PPFIA2: variants seen among roughly 807,000 people sequenced by gnomAD.
PPFIA2 encodes PPFI scaffold protein A2, also known as liprin-alpha-2.
Under a neutral mutation model 175.5 loss-of-function variants are expected in PPFIA2, and 46 were observed. The observed-to-expected ratio is 0.26, with a 90% CI of 0.21 to 0.34. PPFIA2 has a LOEUF of 0.34. PPFIA2 is among the 10% of genes least tolerant of loss of function. PPFIA2 has a pLI of 1.00. For missense variants in PPFIA2, 1,179 were observed against 1,506.1 expected (o/e 0.78, Z 3.60); for synonymous variants, 568 against 511.4 (o/e 1.11, Z -1.49).
intron 3 of PPFIA2, among the ~76,000 whole-genome samples, chr12:81,693,343 T>C (rs1379293483): frequency 1.3e-5 from 2 of 152,068 alleles, no homozygotes; most frequent in Admixed American, 6.6e-5. Flanking sequence ...TTGGTAATAG[T>C]GAGTTCTCAT....
At chr12:81,552,574 C>T (rs1166380845) in intron 4 of PPFIA2, among the ~76,000 whole-genome samples, 1 of 151,890 alleles carries the variant, frequency 6.6e-6, no homozygotes. Context: ...TCAATAAAAA[C>T]TTATTATATG....
chr12:81,530,784 T>A lies in PPFIA2; in HGVS notation c.304-72918A>T, dbSNP rs1594568682. Reference sequence around the variant, plus strand: ...AAAAACACATTATATAATATATGTGTTTAAAAAGAAATCTCTACATATTTG... The same window carrying A: ...AAAAACACATTATATAATATATGTGATTAAAAAGAAATCTCTACATATTTG... On this transcript the variant is annotated intron_variant, in intron 4 of 32. Coordinates refer to ENST00000549396, the MANE Select transcript of PPFIA2 (RefSeq NM_003625.5). Among the ~76,000 whole-genome samples, 3 of 151,892 alleles carry A rather than the reference T, an allele frequency of 2.0e-5. No homozygotes were observed. In the East Asian group the frequency reaches 5.8e-4, roughly 29 times the overall value.
At chr12:81,440,425 C>T (rs1366911751) in intron 6 of PPFIA2, among the ~76,000 whole-genome samples, 1 of 151,850 alleles carries the variant, frequency 6.6e-6, no homozygotes, top group Non-Finnish European at 1.5e-5. Context: ...AAAAAAATAC[C>T]CCACCTTTTT....
chr12:81,312,207 G>C (rs933508637), intron 22 of PPFIA2: 80 of 1,523,930 alleles, frequency 5.2e-5, no homozygotes, highest in Non-Finnish European at 7.0e-5. Flanking sequence ...GAAAAGAAAA[G>C]CACACAAATG....
intron 22 of PPFIA2, among the ~76,000 whole-genome samples, chr12:81,304,903 T>C (rs755998719): frequency 6.6e-6 from 1 of 151,950 alleles, no homozygotes; most frequent in Non-Finnish European, 1.5e-5. Flanking sequence ...TTTCTGGCTG[T>C]TGAGGATAGC....
intron 23 of PPFIA2, among the ~76,000 whole-genome samples, chr12:81,298,623 A>T (rs2138179994): frequency 6.6e-6 from 1 of 152,354 alleles, no homozygotes; most frequent in Non-Finnish European, 1.5e-5. Flanking sequence ...GTTAAGTGAC[A>T]TGAAACAGCC....
At chr12:81,639,535 C>G (rs1383614878) in intron 4 of PPFIA2, among the ~76,000 whole-genome samples, 1 of 148,056 alleles carries the variant, frequency 6.8e-6, no homozygotes, top group Non-Finnish European at 1.5e-5. Context: ...AGAACATCTA[C>G]TCGGTAAAAA....
intron 4 of PPFIA2, among the ~76,000 whole-genome samples, chr12:81,540,844 A>C (rs911193613): frequency 2.6e-5 from 4 of 152,052 alleles, no homozygotes; most frequent in Admixed American, 1.3e-4. Context: ...ATCTATCATT[A>C]AGATTTAAGA....
At chr12:81,269,280 A>G (rs1179626778) in intron 28 of PPFIA2, among the ~76,000 whole-genome samples, 2 of 152,188 alleles carry the variant, frequency 1.3e-5, no homozygotes, top group Non-Finnish European at 2.9e-5. Context: ...GAAAAAAATT[A>G]AAACATTTTT....
chr12:81,642,734 T>TATATTATATACATAC lies in PPFIA2; in HGVS notation c.303+34056_303+34057insGTATGTATATAATAT, dbSNP rs1187757850. On this transcript the variant is annotated intron_variant, in intron 4 of 32. Transcript: ENST00000549396. ...TGTATGTATTATATACATACATGTA[T>TATATTATATACATAC]ATGTATGTATGTATTATATACATAC... 2.5e-3 allele frequency among the ~76,000 whole-genome samples: 22 copies of TATATTATATACATAC among 8,972 alleles called. 8 individuals carry two copies. The highest frequency in any genetic ancestry group is 0.016 in the South Asian group (4 of 258). The allele number at this position is 8,972 out of a possible 152,430, so 5.9% of individuals were successfully genotyped here. A position where few individuals can be genotyped will look rare whatever the true frequency, so the allele number is the denominator to read the frequency against.
At chr12:81,509,222 GAA>G (rs1399546047) in intron 4 of PPFIA2, among the ~76,000 whole-genome samples, 2 of 152,100 alleles carry the variant, frequency 1.3e-5, no homozygotes, top group Non-Finnish European at 2.9e-5. Context: ...TGTAGATGGT[GAA>G]ACTCTAGATT....
chr12:81,610,503 A>G (rs1372572422), intron 4 of PPFIA2, among the ~76,000 whole-genome samples: 1 of 152,092 alleles, frequency 6.6e-6, no homozygotes, highest in Admixed American at 6.6e-5. Flanking sequence ...TTCTTTCCTC[A>G]GCTTGGTCTG....
At chr12:81,409,751 C>A (rs2043580737) in intron 7 of PPFIA2, among the ~76,000 whole-genome samples, 1 of 152,136 alleles carries the variant, frequency 6.6e-6, no homozygotes, top group Non-Finnish European at 1.5e-5. Context: ...CACTTATGTA[C>A]AAGTCCTGTT....
intron 18 of PPFIA2, among the ~76,000 whole-genome samples, chr12:81,346,214 A>G (rs1471873194): frequency 1.3e-5 from 2 of 152,110 alleles, no homozygotes; most frequent in Non-Finnish European, 2.9e-5. Flanking sequence ...ATTTCAACAT[A>G]CTATATTTCT....
intron 8 of PPFIA2, among the ~76,000 whole-genome samples, chr12:81,392,522 T>C (rs1242448125): frequency 6.6e-6 from 1 of 151,862 alleles, no homozygotes; most frequent in Non-Finnish European, 1.5e-5. Flanking sequence ...ACTAATAACG[T>C]CTTTGTAGAA....
intron 23 of PPFIA2, 60 bp downstream of exon 23, chr12:81,299,241 C>A: frequency 1.3e-6 from 2 of 1,495,616 alleles, no homozygotes; most frequent in Non-Finnish European, 1.8e-6. Flanking sequence ...TTACCTGTCT[C>A]AAAAAAATTA....
At chr12:81,432,463 C>CTT (rs545183498) in intron 7 of PPFIA2, among the ~76,000 whole-genome samples, 63 of 132,788 alleles carry the variant, frequency 4.7e-4, no homozygotes, top group African/African-American at 1.5e-3. Flanking sequence ...GCAGAACTAA[C>CTT]TTTTTTTTTT....
At chr12:81,532,724 A>C (rs1403549169) in intron 4 of PPFIA2, among the ~76,000 whole-genome samples, 1 of 151,720 alleles carries the variant, frequency 6.6e-6, no homozygotes, top group Admixed American at 6.6e-5. Flanking sequence ...AATTCTTTTT[A>C]TTATGATTAA....
At chr12:81,754,509 T>G (rs1008083560) in intron 2 of PPFIA2, among the ~76,000 whole-genome samples, 2 of 152,246 alleles carry the variant, frequency 1.3e-5, no homozygotes, top group Non-Finnish European at 2.9e-5. Context: ...TCATGATTTA[T>G]CCCACCTAAT....
Sources: gnomAD v4.1 joint callset for allele counts (sites outside exome capture counted in the v4.1 genomes callset) on GRCh38, gnomAD v4.1.1 for gene constraint, MANE v1.5 for transcripts, NCBI Gene and HGNC (gene_info 2026-07-23, HGNC 2026-07-21) for gene names.